PTPRR: variants seen among roughly 807,000 people sequenced by gnomAD.
PTPRR encodes the protein receptor-type tyrosine-protein phosphatase R.
A neutral mutation model predicts 77.2 loss-of-function variants in PTPRR; 38 were observed. The ratio of observed to expected loss-of-function variants is 0.49; its 90% CI spans 0.38 to 0.65. The LOEUF (loss-of-function observed/expected upper bound fraction) is 0.65, where lower values mean the gene tolerates loss of function less well. PTPRR is among the 30% of genes least tolerant of loss of function. The pLI is 0.00. For synonymous variants in PTPRR, 299 were observed against 283.1 expected, an observed-to-expected ratio of 1.06 and a Z score of -0.57; for missense variants, 744 against 799.2, an observed-to-expected ratio of 0.93 and a Z score of 0.83.
chr12:70,732,823 T>G (rs1051829408), intron 6 of PTPRR, among the ~76,000 whole-genome samples: 3 of 152,204 alleles, frequency 2.0e-5, no homozygotes, highest in Admixed American at 2.0e-4. Context: ...CCTCCCAAAG[T>G]GCTAGGATTA....
chr12:70,801,531 C>T (rs568446928), intron 2 of PTPRR, among the ~76,000 whole-genome samples: 4 of 152,312 alleles, frequency 2.6e-5, no homozygotes, highest in East Asian at 1.9e-4. Flanking sequence ...CGCTCTTGTA[C>T]GTGGATTCAG....
chr12:70,792,797 C>G (rs1170901630), intron 2 of PTPRR, among the ~76,000 whole-genome samples: 2 of 152,084 alleles, frequency 1.3e-5, no homozygotes, highest in East Asian at 3.9e-4. Context: ...CTTGTTGTAA[C>G]ATGTCTGAAC....
rs752163031 is a variant in PTPRR at position 70,698,365 on chromosome 12, A to G, written c.1195-16T>C. The G allele has an allele frequency of 3.1e-6, 5 of 1,601,510 alleles. No individual in the cohort carries two copies. The Admixed American group carries it at 8.4e-5, about 27-fold the overall frequency. On this transcript the variant is annotated splice_polypyrimidine_tract_variant and intron_variant, in intron 7 of 13. Coordinates refer to ENST00000283228, the MANE Select transcript of PTPRR (RefSeq NM_002849.4). ...TTGGTATTTCCTGCAAAAATAAATA[A>G]TATCAAATTAGTGTATCTAATACTG... is the stretch of plus-strand genomic sequence containing the variant.
intron 6 of PTPRR, among the ~76,000 whole-genome samples, chr12:70,743,554 G>A (rs752224479): frequency 2.0e-5 from 3 of 152,146 alleles, no homozygotes; most frequent in Non-Finnish European, 4.4e-5. Flanking sequence ...AACTGATGAA[G>A]TTACTAGGGT....
chr12:70,662,720 C>G (rs1012748440), intron 10 of PTPRR, 115 bp from the exon 11 acceptor site: 1 of 562,266 alleles, frequency 1.8e-6, no homozygotes, highest in Non-Finnish European at 3.1e-6. Context: ...TATCAAATAT[C>G]AATTTTTATA....
chr12:70,885,038 CACTTT>C (rs1170027965), intron 2 of PTPRR, among the ~76,000 whole-genome samples: 1 of 151,798 alleles, frequency 6.6e-6, no homozygotes, highest in African/African-American at 2.4e-5. Flanking sequence ...TTAAATATTT[CACTTT>C]ACTTAAGATT....
At chr12:70,893,036 T>A (rs1045996146) in intron 1 of PTPRR, 59 bp from the exon 2 acceptor site, 17 of 1,530,600 alleles carry the variant, frequency 1.1e-5, no homozygotes, top group Non-Finnish European at 1.4e-5. Context: ...GAGAGGTAGA[T>A]ATATCTGATG....
At chr12:70,661,222 A>C (rs575927370) in intron 11 of PTPRR, 125 bp from the exon 12 acceptor site, 205 of 1,273,450 alleles carry the variant, frequency 1.6e-4, no homozygotes, top group Non-Finnish European at 2.2e-4. Context: ...GTGGGAAAAA[A>C]ATTTAGAAGA....
chr12:70,685,502 T>TAAAAA (rs1887831573), intron 8 of PTPRR, among the ~76,000 whole-genome samples: 1 of 111,320 alleles, frequency 9.0e-6, no homozygotes. Flanking sequence ...AAAAAAAAAT[T>TAAAAA]AGCCAGGCAT....
Position 70,920,299 on chromosome 12 carries a change from C to T in PTPRR, c.58+34G>A, listed in dbSNP as rs1217070105. 4 of 1,601,698 alleles carry T rather than the reference C, an allele frequency of 2.5e-6. No individual in the cohort carries two copies. In the Admixed American group the frequency reaches 5.0e-5, roughly 20 times the overall value. The stretch of plus-strand genomic sequence containing the variant: ...AGCATGTGCAGTTTCCCATCTCATG[C>T]ACAGCTCCGGCTCTAAGCCTGGCAA... On this transcript the variant is annotated intron_variant, in intron 1 of 13. Coordinates refer to ENST00000283228, the MANE Select transcript of PTPRR (RefSeq NM_002849.4).
intron 1 of PTPRR, among the ~76,000 whole-genome samples, chr12:70,915,806 G>A (rs1056110926): frequency 6.6e-6 from 1 of 152,114 alleles, no homozygotes; most frequent in Non-Finnish European, 1.5e-5. Context: ...GTGGCTAAGT[G>A]GACTATGTGT....
chr12:70,908,025 C>A (rs1893648127), intron 1 of PTPRR, among the ~76,000 whole-genome samples: 1 of 152,102 alleles, frequency 6.6e-6, no homozygotes, highest in Admixed American at 6.6e-5. Context: ...CATTGTTATA[C>A]AAACAGCTAA....
chr12:70,797,461 T>G (rs189020449), intron 2 of PTPRR, among the ~76,000 whole-genome samples: 321 of 152,296 alleles, frequency 2.1e-3, no homozygotes, highest in Non-Finnish European at 3.9e-3. Flanking sequence ...CTTCATAGAT[T>G]CCACATCTCT....
intron 10 of PTPRR, among the ~76,000 whole-genome samples, chr12:70,679,254 T>C (rs1441556231): frequency 6.6e-6 from 1 of 152,226 alleles, no homozygotes; most frequent in East Asian, 1.9e-4. Flanking sequence ...TTCCTGTTGT[T>C]GATTTCTAGT....
At chr12:70,906,817 A>T (rs573021054) in intron 1 of PTPRR, 13 of 152,286 alleles carry the variant, frequency 8.5e-5, no homozygotes, top group African/African-American at 3.1e-4. Flanking sequence ...TTTTTTAAAA[A>T]AAAATCAGTT....
At chr12:70,752,199 A>G (rs541511083) in intron 5 of PTPRR, among the ~76,000 whole-genome samples, 1 of 152,300 alleles carries the variant, frequency 6.6e-6, no homozygotes, top group East Asian at 1.9e-4. Context: ...CTTTGCCCAC[A>G]GCACCAGCAA....
intron 2 of PTPRR, among the ~76,000 whole-genome samples, chr12:70,842,834 C>A (rs1195056768): frequency 6.6e-6 from 1 of 152,120 alleles, no homozygotes; most frequent in East Asian, 1.9e-4. Context: ...TTTGGGGCAC[C>A]ATTTTTTGGC....
At chr12:70,875,038 G>A (rs562707004) in intron 2 of PTPRR, among the ~76,000 whole-genome samples, 1 of 151,622 alleles carries the variant, frequency 6.6e-6, no homozygotes, top group East Asian at 1.9e-4. Context: ...TTATTCATAT[G>A]GCCAAAAATA....
At chr12:70,898,949 C>T (rs1893483125) in intron 1 of PTPRR, among the ~76,000 whole-genome samples, 1 of 151,258 alleles carries the variant, frequency 6.6e-6, no homozygotes, top group Non-Finnish European at 1.5e-5. Context: ...AATAACAATC[C>T]TCTACAAATA....
Sources: gnomAD v4.1 joint callset for allele counts (sites outside exome capture counted in the v4.1 genomes callset) on GRCh38, gnomAD v4.1.1 for gene constraint, MANE v1.5 for transcripts, NCBI Gene and HGNC (gene_info 2026-07-23, HGNC 2026-07-21) for gene names.